The following CA1 variants were observed in gnomAD, a reference collection of about 807,000 sequenced individuals.
CA1 encodes the protein carbonic anhydrase 1.
CA1 carries 27 observed loss-of-function variants against 28.8 expected under a neutral mutation model. The ratio of observed to expected loss-of-function variants is 0.94; its 90% CI spans 0.69 to 1.29. The LOEUF (loss-of-function observed/expected upper bound fraction) is 1.29. Ranked by LOEUF, CA1 falls within the 50% of genes most tolerant of loss-of-function variation. CA1 has a pLI of 0.00. For missense variants in CA1, 335 were observed against 310.5 expected, an observed-to-expected ratio of 1.08 and a Z score of -0.59; for synonymous variants, 121 against 108.8, an observed-to-expected ratio of 1.11 and a Z score of -0.70.
intron 1 of CA1, among the ~76,000 whole-genome samples, chr8:85,363,364 C>G (rs1396981324): frequency 6.6e-6 from 1 of 152,214 alleles, no homozygotes; most frequent in Non-Finnish European, 1.5e-5. Context: ...TACATACTTT[C>G]AAGGCATATC....
Position 85,375,274 on chromosome 8 carries a change from GGAAGGACACACTAAA to G in CA1, c.-25+2757_-25+2771del, listed in dbSNP as rs570670930. ...GCAATGAGAGAAACCTAATTAGACA[GGAAGGACACACTAAA>G]GAAAGACACATGAAACAGCCTGGAA... is the stretch of plus-strand genomic sequence containing the variant. On this transcript the variant is annotated intron_variant, in intron 1 of 7. Transcript: ENST00000523022. Among the ~76,000 whole-genome samples the G allele has an allele frequency of 2.2e-4, 33 of 152,266 alleles. 1 individual carries two copies. The highest frequency in any genetic ancestry group is 7.7e-4 in the African/African-American group (32 of 41,548).
intron 4 of CA1, among the ~76,000 whole-genome samples, chr8:85,334,320 C>T (rs1808547760): frequency 6.6e-6 from 1 of 152,154 alleles, no homozygotes; most frequent in South Asian, 2.1e-4. Context: ...TTCTTGCTTT[C>T]CCCACCTATC....
At chr8:85,342,693 A>G (rs1226651477) in intron 1 of CA1, 2 of 152,250 alleles carry the variant, frequency 1.3e-5, no homozygotes, top group Non-Finnish European at 2.9e-5. Flanking sequence ...GGCCAGTTCT[A>G]CATGTTCAAA....
At chr8:85,329,534 A>G (rs747536738) in intron 7 of CA1, among the ~76,000 whole-genome samples, 155 bp downstream of exon 7, 1 of 152,076 alleles carries the variant, frequency 6.6e-6, no homozygotes, top group Non-Finnish European at 1.5e-5. Context: ...TGGATAGTTT[A>G]ATAAACCTAT....
At chr8:85,330,232 A>G (rs1325517312) in intron 6 of CA1, among the ~76,000 whole-genome samples, 2 of 152,118 alleles carry the variant, frequency 1.3e-5, no homozygotes, top group South Asian at 2.1e-4. Flanking sequence ...ATCTTTATTG[A>G]CATGCATATT....
At chr8:85,366,382 G>A (rs1810008721) in intron 1 of CA1, among the ~76,000 whole-genome samples, 1 of 151,962 alleles carries the variant, frequency 6.6e-6, no homozygotes, top group South Asian at 2.1e-4. Context: ...GAAGACTTTT[G>A]ATCTTTTGCT....
chr8:85,333,836 C>T (rs1225435357), intron 4 of CA1, among the ~76,000 whole-genome samples: 1 of 152,138 alleles, frequency 6.6e-6, no homozygotes, highest in Non-Finnish European at 1.5e-5. Flanking sequence ...AACCAGTAAG[C>T]AAAATGTCCT....
At chr8:85,335,420 C>G (rs965110306) in intron 4 of CA1, among the ~76,000 whole-genome samples, 1 of 152,078 alleles carries the variant, frequency 6.6e-6, no homozygotes, top group African/African-American at 2.4e-5. Context: ...GCTATATTAT[C>G]TAGATTCTCT....
intron 1 of CA1, among the ~76,000 whole-genome samples, chr8:85,373,204 G>A (rs1444951743): frequency 1.3e-5 from 2 of 152,212 alleles, no homozygotes; most frequent in Non-Finnish European, 2.9e-5. Context: ...GTTTCGTTAA[G>A]ACGGAAAAGA....
In CA1 at chr8:85,341,605, TGTCATCATATCCCCA is replaced by T; in HGVS notation, c.16_30del (p.Trp6_Asp10del). 2 of 1,591,690 alleles carry T rather than the reference TGTCATCATATCCCCA, an allele frequency of 1.3e-6. No homozygotes were observed. Among genetic ancestry groups the T allele is most frequent in the Non-Finnish European group, 1.7e-6 (2 of 1,159,790 alleles). ...TAAACAGGAGAACTCTTACCATTTT[TGTCATCATATCCCCA>T]GTCTGGACTTGCCATTATCTTCTAC... On this transcript the variant is annotated inframe_deletion, in exon 2 of 8. Transcript: ENST00000523022.
chr8:85,338,216 G>A lies in CA1; in HGVS notation c.235+36C>T, dbSNP rs1034904555. The A allele has an allele frequency of 3.9e-6, 6 of 1,551,930 alleles. No individual in the cohort carries two copies. In the African/African-American group the frequency reaches 5.4e-5, roughly 14 times the overall value. On this transcript the variant is annotated intron_variant, in intron 3 of 7. Transcript: ENST00000523022. Reference sequence around the variant, plus strand: ...ATTTTTTAAATTTTCCCAGTAGACTGTAAGAAAAAAATATCAGAAGGGTCT... The same window carrying A: ...ATTTTTTAAATTTTCCCAGTAGACTATAAGAAAAAAATATCAGAAGGGTCT...
chr8:85,340,864 G>T (rs565915856), intron 2 of CA1, among the ~76,000 whole-genome samples: 79 of 152,266 alleles, frequency 5.2e-4, no homozygotes, highest in African/African-American at 1.8e-3. Context: ...TTAATACTTG[G>T]CTGGGCGTGG....
intron 1 of CA1, chr8:85,350,032 G>T (rs148176110): frequency 3.3e-5 from 5 of 152,212 alleles, no homozygotes; most frequent in Admixed American, 6.5e-5. Context: ...TATGCAAAAG[G>T]TTACTTGGGC....
intron 1 of CA1, among the ~76,000 whole-genome samples, chr8:85,342,068 T>G (rs1193565417): frequency 6.6e-6 from 1 of 152,146 alleles, no homozygotes; most frequent in Non-Finnish European, 1.5e-5. Context: ...AAGTAATTTA[T>G]CAGGAAAATA....
At chr8:85,340,434 T>C (rs776951012) in intron 2 of CA1, among the ~76,000 whole-genome samples, 1 of 152,194 alleles carries the variant, frequency 6.6e-6, no homozygotes, top group Non-Finnish European at 1.5e-5. Context: ...AAAATATCAC[T>C]GCTCATTGAC....
intron 3 of CA1, 95 bp from the exon 4 acceptor site, chr8:85,337,158 A>G: frequency 1.3e-6 from 1 of 796,326 alleles, no homozygotes; most frequent in Admixed American, 1.7e-5. Context: ...TGTATTGAGT[A>G]GAAGTGAAAA....
chr8:85,346,246 T>C (rs1198596477), intron 1 of CA1, among the ~76,000 whole-genome samples: 1 of 152,198 alleles, frequency 6.6e-6, no homozygotes, highest in Non-Finnish European at 1.5e-5. Flanking sequence ...TCTAGTGAAC[T>C]TTTATGCTAA....
intron 1 of CA1, among the ~76,000 whole-genome samples, chr8:85,370,865 G>A (rs548544206): frequency 1.8e-4 from 27 of 152,232 alleles, no homozygotes; most frequent in African/African-American, 6.5e-4. Flanking sequence ...AATATAATTT[G>A]CCATTATTGT....
intron 1 of CA1, among the ~76,000 whole-genome samples, chr8:85,356,875 T>C (rs953689799): frequency 2.6e-5 from 4 of 152,290 alleles, no homozygotes; most frequent in African/African-American, 9.6e-5. Context: ...CTTAAAAACT[T>C]TGTGAGCTCT....
Sources: allele counts gnomAD v4.1 joint callset (sites outside exome capture counted in the v4.1 genomes callset), GRCh38; gene constraint gnomAD v4.1.1; transcripts MANE v1.5; gene names NCBI Gene and HGNC (gene_info 2026-07-23, HGNC 2026-07-21).